The following KCNMB2 variants were observed in gnomAD, a reference collection of about 807,000 sequenced individuals.
The protein encoded by KCNMB2 is calcium-activated potassium channel subunit beta-2.
KCNMB2 carries 9 observed loss-of-function variants against 24.5 expected under a neutral mutation model. The ratio of observed to expected loss-of-function variants is 0.37; its 90% confidence interval spans 0.22 to 0.64. The LOEUF is 0.64. Among genes scored for constraint, KCNMB2 ranks in the 30% least tolerant of loss-of-function variants. The pLI is 0.63. For missense variants in KCNMB2, 226 were observed against 284.3 expected (o/e 0.79, Z 1.47); for synonymous variants, 109 against 104.4 (o/e 1.04, Z -0.27).
intron 1 of KCNMB2, among the ~76,000 whole-genome samples, chr3:178,691,284 C>CA (rs1347644245): frequency 7.6e-6 from 1 of 132,222 alleles, no homozygotes; most frequent in Non-Finnish European, 1.6e-5. Flanking sequence ...TTCAGGAGTA[C>CA]ATGTGCAGGT....
chr3:178,815,893 A>G (rs1198323266), intron 2 of KCNMB2, among the ~76,000 whole-genome samples: 1 of 151,990 alleles, frequency 6.6e-6, no homozygotes, highest in Non-Finnish European at 1.5e-5. Flanking sequence ...TGATCATGAT[A>G]TATTTTCATT....
chr3:178,654,042 G>A (rs1720231955), intron 1 of KCNMB2, among the ~76,000 whole-genome samples: 1 of 152,090 alleles, frequency 6.6e-6, no homozygotes, highest in African/African-American at 2.4e-5. Context: ...TTAGGTTATA[G>A]ATCTAGCTAA....
At chr3:178,798,043 G>A (rs1237197542) in intron 1 of KCNMB2, among the ~76,000 whole-genome samples, 6 of 152,132 alleles carry the variant, frequency 3.9e-5, no homozygotes, top group East Asian at 1.9e-4. Flanking sequence ...GGGCTGAGAC[G>A]ATGGGGTTTT....
chr3:178,601,942 G>A (rs1400778044), intron 1 of KCNMB2, among the ~76,000 whole-genome samples: 2 of 152,210 alleles, frequency 1.3e-5, no homozygotes, highest in Non-Finnish European at 2.9e-5. Flanking sequence ...AATTGGAAGA[G>A]AGCAGGTAAA....
intron 1 of KCNMB2, among the ~76,000 whole-genome samples, chr3:178,578,491 T>C (rs1488560048): frequency 1.3e-5 from 2 of 152,178 alleles, no homozygotes; most frequent in African/African-American, 4.8e-5. Flanking sequence ...AATAACCAGC[T>C]AGCATCATAA....
intron 1 of KCNMB2, among the ~76,000 whole-genome samples, chr3:178,757,661 TATGTATATATATCC>T (rs1724165545): frequency 2.1e-5 from 1 of 46,724 alleles, no homozygotes; most frequent in African/African-American, 1.0e-4. Flanking sequence ...GATATATATA[TATGTATATATATCC>T]AAGAGGATAT....
In KCNMB2 at chr3:178,826,984, G is replaced by C. The variant is rs1198035254; in HGVS notation, c.228-1194G>C. 3.3e-5 allele frequency among the ~76,000 whole-genome samples: 5 copies of C among 152,164 alleles called. No homozygotes were observed. In the East Asian group the frequency reaches 9.6e-4, roughly 29 times the overall value. On this transcript the variant is annotated intron_variant, in intron 3 of 4. Coordinates refer to ENST00000452583, the MANE Select transcript of KCNMB2 (RefSeq NM_181361.3). ...ATATAAGCAAAATGTGACCACCCAT[G>C]TTCCAGGAAAATACAGTTTGCCACA...
intron 1 of KCNMB2, among the ~76,000 whole-genome samples, chr3:178,743,257 C>G (rs1314165029): frequency 6.6e-6 from 1 of 152,162 alleles, no homozygotes; most frequent in Non-Finnish European, 1.5e-5. Context: ...TAGGATAAAT[C>G]TACTGTAGAA....
At chr3:178,836,786 C>A (rs536681066) in intron 4 of KCNMB2, among the ~76,000 whole-genome samples, 2 of 151,990 alleles carry the variant, frequency 1.3e-5, no homozygotes, top group African/African-American at 2.4e-5. Flanking sequence ...TAAATCTTCC[C>A]GTTCCCACAC....
chr3:178,692,205 C>T (rs1439406924), intron 1 of KCNMB2, among the ~76,000 whole-genome samples: 1 of 152,128 alleles, frequency 6.6e-6, no homozygotes, highest in African/African-American at 2.4e-5. Context: ...TCTGTTTACT[C>T]TGATGATAGT....
chr3:178,558,855 T>C (rs1020905379), intron 1 of KCNMB2: 7 of 152,226 alleles, frequency 4.6e-5, no homozygotes, highest in African/African-American at 1.7e-4. Context: ...GTTTTCTTTC[T>C]TTTCTTAATC....
intron 1 of KCNMB2, among the ~76,000 whole-genome samples, chr3:178,618,938 C>T (rs913349638): frequency 6.6e-6 from 1 of 152,142 alleles, no homozygotes; most frequent in African/African-American, 2.4e-5. Flanking sequence ...AAAATTGGGA[C>T]TAGGGAATAC....
intron 1 of KCNMB2, among the ~76,000 whole-genome samples, chr3:178,728,483 C>T (rs1237869947): frequency 6.6e-6 from 1 of 152,108 alleles, no homozygotes; most frequent in Non-Finnish European, 1.5e-5. Flanking sequence ...CACAAACAGA[C>T]AGATTACTAT....
At chr3:178,759,320 T>C (rs1396561774) in intron 1 of KCNMB2, among the ~76,000 whole-genome samples, 1 of 86,188 alleles carries the variant, frequency 1.2e-5, no homozygotes, top group Non-Finnish European at 2.2e-5. Flanking sequence ...CAAGAGGATA[T>C]ATATATATAT....
At chr3:178,674,217 G>C (rs1301407871) in intron 1 of KCNMB2, among the ~76,000 whole-genome samples, 2 of 151,432 alleles carry the variant, frequency 1.3e-5, no homozygotes, top group Admixed American at 1.3e-4. Context: ...CTCACTCCTT[G>C]GATGACCTTA....
intron 1 of KCNMB2, among the ~76,000 whole-genome samples, chr3:178,647,992 CTTTTCTT>C (rs1560147379): frequency 2.0e-5 from 3 of 151,770 alleles, no homozygotes; most frequent in Non-Finnish European, 4.4e-5. Context: ...TACATATTGT[CTTTTCTT>C]TTTTCTTCTG....
chr3:178,760,929 T>G (rs1711840918), intron 1 of KCNMB2, among the ~76,000 whole-genome samples: 1 of 152,150 alleles, frequency 6.6e-6, no homozygotes, highest in African/African-American at 2.4e-5. Flanking sequence ...CAAAATTTTA[T>G]CTAATAACTT....
chr3:178,742,652 C>T (rs1723532290), intron 1 of KCNMB2, among the ~76,000 whole-genome samples: 3 of 152,162 alleles, frequency 2.0e-5, no homozygotes, highest in Admixed American at 2.0e-4. Flanking sequence ...CCTCCCTGCA[C>T]AGCAACAAGG....
chr3:178,651,038 T>G (rs1008176072), intron 1 of KCNMB2, among the ~76,000 whole-genome samples: 1 of 152,098 alleles, frequency 6.6e-6, no homozygotes, highest in Non-Finnish European at 1.5e-5. Context: ...CTATTCAACA[T>G]AGTATTGGAA....
Sources: allele counts gnomAD v4.1 joint callset (sites outside exome capture counted in the v4.1 genomes callset), GRCh38; gene constraint gnomAD v4.1.1; transcripts MANE v1.5; gene names NCBI Gene and HGNC (gene_info 2026-07-23, HGNC 2026-07-21).